The following ZNF154 variants were observed in gnomAD, a reference collection of about 807,000 sequenced individuals.
The protein encoded by ZNF154 is zinc finger protein 154 (pHZ-92).
A neutral mutation model predicts 7.5 loss-of-function variants in ZNF154; 6 were observed. The ratio of observed to expected loss-of-function variants is 0.80; its 90% CI spans 0.44 to 1.57. The LOEUF is 1.57. Ranked by LOEUF, ZNF154 falls within the 40% of genes most tolerant of loss-of-function variation. ZNF154 has a pLI of 0.01. For synonymous variants in ZNF154, 187 were observed against 185.9 expected, an observed-to-expected ratio of 1.01 and a Z score of -0.05; for missense variants, 485 against 531.4, an observed-to-expected ratio of 0.91 and a Z score of 0.86.
intron 2 of ZNF154, 40 bp from the exon 3 acceptor site, chr19:57,702,828 T>C (rs1389643547): frequency 6.4e-7 from 1 of 1,557,280 alleles, no homozygotes; most frequent in Admixed American, 1.8e-5. Flanking sequence ...GCCCCACCTC[T>C]ATATAATTTC....
In ZNF154 at chr19:57,696,761, A is replaced by G. The variant is rs573811758; in HGVS notation, c.*4874T>C. On this transcript the variant is annotated 3_prime_UTR_variant, in exon 3 of 3. Transcript: ENST00000684351. ...ACAGCACCCAGGAAATCCCTCAGCT[A>G]TAAATACAGTCCCTCAGCACTTTTC... 6.6e-6 allele frequency among the ~76,000 whole-genome samples: 1 copy of G among 152,302 alleles called. No individual in the cohort carries two copies. The highest frequency in any genetic ancestry group is 2.1e-4 in the South Asian group (1 of 4,828).
chr19:57,701,651 C>A lies in ZNF154; in HGVS notation c.1298G>T (p.Arg433Ile), dbSNP rs780581615. ...SHNSSLIKHQ[R>I]IHSR ...ATAAGGCTTTTATCGACTATGAATT[C>A]TCTGATGTTTAATAAGGCTGGAGTT... The change falls in exon 3 of 3, where the codon AGA becomes ATA. Residue 433 changes from arginine (R) to isoleucine (I), a missense_variant. Physicochemically the swap from Arg to Ile is moderately conservative, Grantham distance 97. Coordinates refer to ENST00000684351, the MANE Select transcript of ZNF154 (RefSeq NM_001085384.3). The A allele has an allele frequency of 6.2e-7, 1 of 1,612,234 alleles. No individual in the cohort carries two copies. Among genetic ancestry groups the A allele is most frequent in the East Asian group, 2.2e-5 (1 of 44,828 alleles).
Position 57,699,375 on chromosome 19 carries a change from C to T in ZNF154, c.*2260G>A, listed in dbSNP as rs575636294. On this transcript the variant is annotated 3_prime_UTR_variant, in exon 3 of 3. Coordinates refer to ENST00000684351, the MANE Select transcript of ZNF154 (RefSeq NM_001085384.3). Reference sequence around the variant, plus strand: ...TGCTGGGATTACAGGCGTGAGCCACCGCACCCGGCTGAGATTTTCTTACTT... The same window carrying T: ...TGCTGGGATTACAGGCGTGAGCCACTGCACCCGGCTGAGATTTTCTTACTT... The T allele has an allele frequency of 3.6e-5, 8 of 223,408 alleles. No homozygotes were observed. The highest frequency in any genetic ancestry group is 2.5e-4 in the Admixed American group (6 of 23,596). The allele number at this position is 223,408 out of a possible 1,614,324, so 13.8% of individuals were successfully genotyped here. A position where few individuals can be genotyped will look rare whatever the true frequency, so the allele number is the denominator to read the frequency against.
In ZNF154 at chr19:57,697,197, G is replaced by A. The variant is rs1323524492; in HGVS notation, c.*4438C>T. Among the ~76,000 whole-genome samples the A allele has an allele frequency of 6.6e-6, 1 of 152,182 alleles. No individual in the cohort carries two copies. The highest frequency in any genetic ancestry group is 1.5e-5 in the Non-Finnish European group (1 of 68,038). ...TTCTGGTTTAATGCTTAATAAAAGC[G>A]TTTTCTGTCTCTACCTTCGTGGAGA... On this transcript the variant is annotated 3_prime_UTR_variant, in exon 3 of 3. Transcript: ENST00000684351.
In ZNF154 at chr19:57,698,412, GT is replaced by G. The variant is rs1319230734; in HGVS notation, c.*3222del. 6.6e-6 allele frequency: 1 copy of G among 152,006 alleles called. No individual in the cohort carries two copies. Among genetic ancestry groups the G allele is most frequent in the Non-Finnish European group, 1.5e-5 (1 of 68,010 alleles). 9.4% of individuals were successfully genotyped at this position (152,006 alleles called of 1,614,324 possible). A position where few individuals can be genotyped will look rare whatever the true frequency, so the allele number is the denominator to read the frequency against. On this transcript the variant is annotated 3_prime_UTR_variant, in exon 3 of 3. Coordinates refer to ENST00000684351, the MANE Select transcript of ZNF154 (RefSeq NM_001085384.3). ...ATTTTCTACATTCTTGAGGTTATTC[GT>G]GGCCACTGTATCAGTATGGTAGAAA...
intron 2 of ZNF154, among the ~76,000 whole-genome samples, chr19:57,704,019 A>C (rs945135434): frequency 6.6e-6 from 1 of 152,210 alleles, no homozygotes; most frequent in East Asian, 1.9e-4. Flanking sequence ...AAAAAAAAAG[A>C]GTATGTGCAT....
chr19:57,701,971 T>C lies in ZNF154; in HGVS notation c.978A>G (p.Glu326=), dbSNP rs140956119. 5.7e-4 allele frequency: 927 copies of C among 1,612,554 alleles called. 5 individuals carry two copies. In the African/African-American group the frequency reaches 0.012, roughly 20 times the overall value. ...CACATTCGCTGCACTTATAAGGCCT[T>C]TCTCCAGTGTGAACCCTATGGTGTT... is the stretch of plus-strand genomic sequence containing the variant. ...LIEHHRVHTG[E]RPYKCSECGK... The change falls in exon 3 of 3, where the codon GAA becomes GAG. Residue 326 remains glutamate, a synonymous_variant. Transcript: ENST00000684351.
rs1220072066 is a variant in ZNF154, at chr19:57,700,506, C to T, written c.*1129G>A. The T allele has an allele frequency of 6.6e-6, 1 of 152,206 alleles. No homozygotes were observed. Among genetic ancestry groups the T allele is most frequent in the Non-Finnish European group, 1.5e-5 (1 of 68,038 alleles). 9.4% of individuals were successfully genotyped at this position (152,206 alleles called of 1,614,324 possible). On this transcript the variant is annotated 3_prime_UTR_variant, in exon 3 of 3. Transcript: ENST00000684351. ...TTTTCCACTCTCTATCAATCCAGTA[C>T]TTCTATAACAATTATAATTCCTACT...
In ZNF154 at chr19:57,709,028, G is replaced by A. The variant is rs1985520625; in HGVS notation, c.-57C>T. ...GACGGGCGACATTGGTAGGGACCCG[G>A]GGACAGCGGTCCCTATCCCAGGCCT... On this transcript the variant is annotated 5_prime_UTR_variant, in exon 1 of 3. Transcript: ENST00000684351. 3 of 1,548,782 alleles carry A rather than the reference G, an allele frequency of 1.9e-6. No individual in the cohort carries two copies. The highest frequency in any genetic ancestry group is 1.4e-5 in the African/African-American group (1 of 73,084).
At chr19:57,704,677 C>T (rs1985312332) in intron 2 of ZNF154, among the ~76,000 whole-genome samples, 176 bp downstream of exon 2, 1 of 152,044 alleles carries the variant, frequency 6.6e-6, no homozygotes, top group Non-Finnish European at 1.5e-5. Flanking sequence ...TGGGGCTCCT[C>T]AAGGAGAGGA....
At position 57,701,587 on chromosome 19, in the gene ZNF154, TTC is replaced by T. The variant is rs1284368949; in HGVS notation, c.*46_*47del. On this transcript the variant is annotated 3_prime_UTR_variant, in exon 3 of 3. Coordinates refer to ENST00000684351, the MANE Select transcript of ZNF154 (RefSeq NM_001085384.3). ...GACATTCACTGTGTACTCAAGGACT[TTC>T]TCCAGGGTGCTAACAGATTTTCCAC... 1.9e-6 allele frequency: 3 copies of T among 1,574,836 alleles called. No homozygotes were observed. The highest frequency in any genetic ancestry group is 2.6e-6 in the Non-Finnish European group (3 of 1,157,604).
intron 2 of ZNF154, among the ~76,000 whole-genome samples, chr19:57,703,205 G>T (rs1985251895): frequency 6.7e-6 from 1 of 149,008 alleles, no homozygotes; most frequent in African/African-American, 2.5e-5. Flanking sequence ...TTACAAGAAT[G>T]GGCCGGGTGC....
rs1367460955 is a variant in ZNF154, at chr19:57,704,868, G to T, written c.145C>A (p.Leu49Ile). 8 of 1,612,730 alleles carry T rather than the reference G, an allele frequency of 5.0e-6. No individual in the cohort carries two copies. The highest frequency in any genetic ancestry group is 5.9e-6 in the Non-Finnish European group (7 of 1,179,596). The change falls in exon 2 of 3, where the codon CTT becomes ATT. Residue 49 changes from leucine (L) to isoleucine (I), a missense_variant. Coordinates refer to ENST00000684351, the MANE Select transcript of ZNF154 (RefSeq NM_001085384.3). ...AGAACCTTACCTAGAGAGGTTAAAA[G>T]AGCCAAGTTCTCCAGCATCACATCA... ...YRDVMLENLA[L>I]LTSLDVHHQK...
intron 1 of ZNF154, among the ~76,000 whole-genome samples, chr19:57,705,205 C>T (rs1985337579): frequency 6.6e-6 from 1 of 152,144 alleles, no homozygotes; most frequent in Admixed American, 6.5e-5. Context: ...ATCTAAGTCT[C>T]AATACCAGGG....
Position 57,696,926 on chromosome 19 carries a change from A to G in ZNF154, c.*4709T>C, listed in dbSNP as rs1984918383. On this transcript the variant is annotated 3_prime_UTR_variant, in exon 3 of 3. Transcript: ENST00000684351. Reference sequence around the variant, plus strand: ...CAGCAGCCCCAAGGCAGCTCCCCTCATTATCCTCTGTCATAAAGATATGAT... The same window carrying G: ...CAGCAGCCCCAAGGCAGCTCCCCTCGTTATCCTCTGTCATAAAGATATGAT... 6.6e-6 allele frequency among the ~76,000 whole-genome samples: 1 copy of G among 152,122 alleles called. No individual in the cohort carries two copies. Among genetic ancestry groups the G allele is most frequent in the Admixed American group, 6.6e-5 (1 of 15,260 alleles).
At chr19:57,708,851 A>C in intron 1 of ZNF154, 88 bp downstream of exon 1, 3 of 1,512,962 alleles carry the variant, frequency 2.0e-6, no homozygotes, top group East Asian at 5.0e-5. Context: ...GACCCTGGGC[A>C]GCGGGGACTC....
At chr19:57,702,845 T>C (rs926735828) in intron 2 of ZNF154, 57 bp from the exon 3 acceptor site, 2 of 1,525,524 alleles carry the variant, frequency 1.3e-6, no homozygotes, top group Admixed American at 1.8e-5. Context: ...TTTCTGCCTA[T>C]GATGTGTCCC....
In ZNF154 at chr19:57,702,731, C is replaced by T. The variant is rs1038880828; in HGVS notation, c.218G>A (p.Arg73Lys). The T allele has an allele frequency of 6.2e-7, 1 of 1,608,156 alleles. No homozygotes were observed. Among genetic ancestry groups the T allele is most frequent in the Admixed American group, 1.7e-5 (1 of 59,944 alleles). Reference protein sequence around the residue: ...GEKHFRSNVGRALFVKTCTFH... With the variant: ...GEKHFRSNVGKALFVKTCTFH... ...TGTGCAGGTCTTCACAAACAAGGCTCTGCCCACATTGCTTCTGAAATGTTT... is the reference window on the plus strand; with the variant it reads ...TGTGCAGGTCTTCACAAACAAGGCTTTGCCCACATTGCTTCTGAAATGTTT... The change falls in exon 3 of 3, where the codon AGA (arginine) becomes AAA (lysine). Residue 73 changes from arginine to lysine, a missense_variant. Transcript: ENST00000684351.
chr19:57,709,027 G>T lies in ZNF154; in HGVS notation c.-56C>A. 1 of 1,547,914 alleles carries T rather than the reference G, an allele frequency of 6.5e-7. No individual in the cohort carries two copies. The highest frequency in any genetic ancestry group is 8.7e-7 in the Non-Finnish European group (1 of 1,145,216). On this transcript the variant is annotated 5_prime_UTR_variant, in exon 1 of 3. Transcript: ENST00000684351. ...CGACGGGCGACATTGGTAGGGACCC[G>T]GGGACAGCGGTCCCTATCCCAGGCC... is the stretch of plus-strand genomic sequence containing the variant.
Sources: allele counts gnomAD v4.1 joint callset (sites outside exome capture counted in the v4.1 genomes callset), GRCh38; gene constraint gnomAD v4.1.1; transcripts MANE v1.5; gene names NCBI Gene and HGNC (gene_info 2026-07-23, HGNC 2026-07-21).